The following RFWD3 variants were observed in gnomAD, a reference collection of about 807,000 sequenced individuals.
RFWD3 encodes ring finger and WD repeat domain 3, also known as E3 ubiquitin-protein ligase RFWD3.
A neutral mutation model predicts 87.7 loss-of-function variants in RFWD3; 65 were observed. That is an observed-to-expected ratio of 0.74 (90% confidence interval 0.61 to 0.91). The LOEUF (loss-of-function observed/expected upper bound fraction) is 0.91. RFWD3 is among the 40% of genes least tolerant of loss of function. The pLI is 0.00. For synonymous variants in RFWD3, 433 were observed against 352.8 expected (o/e 1.23, Z -2.55); for missense variants, 1,078 against 938.5 (o/e 1.15, Z -1.94).
chr16:74,630,562 G>C (rs1959062132), intron 10 of RFWD3, among the ~76,000 whole-genome samples: 1 of 152,170 alleles, frequency 6.6e-6, no homozygotes, highest in African/African-American at 2.4e-5. Flanking sequence ...CTATGAACCT[G>C]GCTATACTTG....
At chr16:74,660,610 C>T (rs922021043) in intron 2 of RFWD3, 3 of 242,070 alleles carry the variant, frequency 1.2e-5, no homozygotes, top group Non-Finnish European at 2.4e-5. Context: ...GGTGGAATGC[C>T]AGTGAATAAT....
intron 4 of RFWD3, 71 bp downstream of exon 4, chr16:74,649,061 G>T: frequency 1.0e-6 from 1 of 994,262 alleles, no homozygotes; most frequent in Non-Finnish European, 1.5e-6. Flanking sequence ...TAGCCTGGGT[G>T]AGAGTGAGAC....
chr16:74,622,879 T>C lies in RFWD3; in HGVS notation c.*1049A>G, dbSNP rs897641790. 1 of 152,202 alleles carries C rather than the reference T, an allele frequency of 6.6e-6. No homozygotes were observed. The highest frequency in any genetic ancestry group is 1.5e-5 in the Non-Finnish European group (1 of 68,038). 9.4% of individuals were successfully genotyped at this position (152,202 alleles called of 1,614,324 possible). A position where few individuals can be genotyped will look rare whatever the true frequency, so the allele number is the denominator to read the frequency against. ...GAAGGCTTTAACTGGATAACTGGAA[T>C]GTATAAAGAACACTTAAGAACAGCC... On this transcript the variant is annotated 3_prime_UTR_variant, in exon 13 of 13. Coordinates refer to ENST00000361070, the MANE Select transcript of RFWD3 (RefSeq NM_018124.4).
chr16:74,637,805 C>A, intron 7 of RFWD3, 51 bp downstream of exon 7: 1 of 1,329,172 alleles, frequency 7.5e-7, no homozygotes. Context: ...CATTAGCTTC[C>A]TCTTCCATTC....
chr16:74,648,101 C>T (rs1960296514), intron 4 of RFWD3, among the ~76,000 whole-genome samples: 2 of 152,160 alleles, frequency 1.3e-5, no homozygotes, highest in Admixed American at 1.3e-4. Context: ...CATGCCACCA[C>T]ACCTGGCGAA....
At chr16:74,640,412 G>A (rs1426726654) in intron 6 of RFWD3, among the ~76,000 whole-genome samples, 1 of 151,944 alleles carries the variant, frequency 6.6e-6, no homozygotes, top group Non-Finnish European at 1.5e-5. Flanking sequence ...CCAAAGTGCT[G>A]GGATTACAGG....
intron 2 of RFWD3, 39 bp downstream of exon 2, chr16:74,660,893 T>A (rs755368575): frequency 1.3e-6 from 2 of 1,567,450 alleles, no homozygotes; most frequent in African/African-American, 2.7e-5. Flanking sequence ...TAATTTCTAG[T>A]ACAGCAATGA....
At chr16:74,655,628 C>CT (rs908881760) in intron 2 of RFWD3, among the ~76,000 whole-genome samples, 94 of 140,626 alleles carry the variant, frequency 6.7e-4, no homozygotes, top group African/African-American at 1.8e-3. Flanking sequence ...TGCTCTCTCT[C>CT]TTTTTTTTTG....
intron 6 of RFWD3, among the ~76,000 whole-genome samples, chr16:74,640,290 T>C (rs1959519518): frequency 1.3e-5 from 2 of 151,638 alleles, no homozygotes; most frequent in South Asian, 4.2e-4. Context: ...GGATTACAGG[T>C]GTGTGCCACC....
At chr16:74,649,989 A>G (rs1054566260) in intron 3 of RFWD3, among the ~76,000 whole-genome samples, 1 of 152,200 alleles carries the variant, frequency 6.6e-6, no homozygotes, top group African/African-American at 2.4e-5. Flanking sequence ...ATCAGCCCAC[A>G]AAGATCCTTT....
At chr16:74,641,386 C>G (rs1959631738) in intron 6 of RFWD3, among the ~76,000 whole-genome samples, 1 of 151,986 alleles carries the variant, frequency 6.6e-6, no homozygotes, top group South Asian at 2.1e-4. Flanking sequence ...TGGTCTCCAA[C>G]TCCTGACCTC....
chr16:74,628,657 C>T lies in RFWD3; in HGVS notation c.1764G>A (p.Leu588=). The change falls in exon 11 of 13, where the codon CTG becomes CTA. Residue 588 remains leucine (L), a synonymous_variant. Coordinates refer to ENST00000361070, the MANE Select transcript of RFWD3 (RefSeq NM_018124.4). ...ELVAQKARCP[L]VSLSYMPRAA... ...CTCTGGGCATGTATGACAGGGAGAC[C>T]AGTGGGCATCTGAAAGGAAAGTAAG... 1 of 1,614,100 alleles carries T rather than the reference C, an allele frequency of 6.2e-7. No individual in the cohort carries two copies. The highest frequency in any genetic ancestry group is 8.5e-7 in the Non-Finnish European group (1 of 1,180,018).
intron 10 of RFWD3, among the ~76,000 whole-genome samples, chr16:74,628,926 A>T (rs1467423272): frequency 6.6e-6 from 1 of 152,210 alleles, no homozygotes; most frequent in African/African-American, 2.4e-5. Context: ...AATTTAAGGG[A>T]TACAAGATCA....
chr16:74,646,903 TCAACAACAACAA>T (rs71376295), intron 4 of RFWD3, among the ~76,000 whole-genome samples: 88,566 of 150,044 alleles, frequency 0.59, 27,369 homozygotes, highest in African/African-American at 0.78. Flanking sequence ...AAACCCCGTC[TCAACAACAACAA>T]CAACAACAAC....
chr16:74,626,201 C>T, intron 12 of RFWD3, 142 bp downstream of exon 12: 1 of 712,070 alleles, frequency 1.4e-6, no homozygotes, highest in Non-Finnish European at 2.4e-6. Context: ...CACATACACA[C>T]ATATGCGGAT....
Position 74,661,404 on chromosome 16 carries a change from G to A in RFWD3, c.46C>T (p.His16Tyr), listed in dbSNP as rs775103807. 3 of 1,613,866 alleles carry A rather than the reference G, an allele frequency of 1.9e-6. No individual in the cohort carries two copies. In the Admixed American group the frequency reaches 5.0e-5, roughly 27 times the overall value. Residue 16 changes from histidine to tyrosine, a missense_variant, in exon 2 of 13, where the codon CAT becomes TAT. By Grantham distance (83) the His-to-Tyr change is moderately conservative. Coordinates refer to ENST00000361070, the MANE Select transcript of RFWD3 (RefSeq NM_018124.4). ...GCAGGAGCTGGCTGTTGTTCGGCAT[G>A]ATTTAACTGCACCTGAACATCATAT... is the stretch of plus-strand genomic sequence containing the variant. ...MEYDVQVQLN[H>Y]AEQQPAPAGM...
intron 11 of RFWD3, 37 bp downstream of exon 11, chr16:74,628,415 T>TC: frequency 6.3e-7 from 1 of 1,594,548 alleles, no homozygotes; most frequent in South Asian, 1.1e-5. Flanking sequence ...ACCACTGTGC[T>TC]CCCAAATAAG....
chr16:74,640,309 C>A (rs1182685027), intron 6 of RFWD3, among the ~76,000 whole-genome samples: 2 of 151,852 alleles, frequency 1.3e-5, no homozygotes, highest in East Asian at 3.9e-4. Context: ...CCACGCCCAG[C>A]TAATTTTTGT....
intron 6 of RFWD3, among the ~76,000 whole-genome samples, chr16:74,641,330 T>TTTTTGTA (rs1959626787): frequency 6.6e-6 from 1 of 151,962 alleles, no homozygotes; most frequent in Non-Finnish European, 1.5e-5. Flanking sequence ...GCCCGGCTAA[T>TTTTTGTA]TTTTGTATTT....
Sources: gnomAD v4.1 joint callset for allele counts (sites outside exome capture counted in the v4.1 genomes callset) on GRCh38, gnomAD v4.1.1 for gene constraint, MANE v1.5 for transcripts, NCBI Gene and HGNC (gene_info 2026-07-23, HGNC 2026-07-21) for gene names.